Variants in C1QTNF3 observed in about 807,000 individuals in gnomAD.
C1QTNF3 encodes the protein complement C1q tumor necrosis factor-related protein 3.
A neutral mutation model predicts 32.6 loss-of-function variants in C1QTNF3; 26 were observed. The observed-to-expected ratio is 0.80, with a 90% CI of 0.58 to 1.11. C1QTNF3 has a LOEUF of 1.11. Ranked by LOEUF, C1QTNF3 falls within the 50% of genes least tolerant of loss-of-function variation. The pLI is 0.00. For missense variants in C1QTNF3, 362 were observed against 398.2 expected (o/e 0.91, Z 0.77); for synonymous variants, 155 against 146.0 (o/e 1.06, Z -0.44).
the C1QTNF3 span, among the ~76,000 whole-genome samples, chr5:34,063,192 T>A: frequency 6.6e-6 from 1 of 152,166 alleles, no homozygotes; most frequent in African/African-American, 2.4e-5. Flanking sequence ...GTACACTGTT[T>A]TTTTCTTAAC....
rs539460570 is a variant in C1QTNF3, at chr5:34,018,520, G to A, written c.*2063C>T. ...GAATTGTACTTTAAATGCCATAGGA[G>A]TGCCTGGAATAGCACAGTATCTTGC... On this transcript the variant is annotated 3_prime_UTR_variant, in exon 6 of 6. Coordinates refer to ENST00000382065, the MANE Select transcript of C1QTNF3 (RefSeq NM_181435.6). Among the ~76,000 whole-genome samples, 38 of 152,288 alleles carry A rather than the reference G, an allele frequency of 2.5e-4. No individual in the cohort carries two copies. Among genetic ancestry groups the A allele is most frequent in the African/African-American group, 9.1e-4 (38 of 41,552 alleles).
the C1QTNF3 span, among the ~76,000 whole-genome samples, chr5:34,048,341 C>T: frequency 6.9e-6 from 1 of 144,496 alleles, no homozygotes; most frequent in Non-Finnish European, 1.5e-5. Context: ...ATAATGTTAA[C>T]AGCTGGTGTC....
chr5:34,163,085 G>C, the C1QTNF3 span, among the ~76,000 whole-genome samples: 6 of 152,106 alleles, frequency 3.9e-5, no homozygotes, highest in African/African-American at 1.2e-4. Flanking sequence ...TATAACTTCT[G>C]TACAAATTAC....
At chr5:34,057,553 C>A in the C1QTNF3 span, among the ~76,000 whole-genome samples, 1 of 152,138 alleles carries the variant, frequency 6.6e-6, no homozygotes, top group Non-Finnish European at 1.5e-5. Context: ...ATTATTTTTC[C>A]AGTTTGTTCT....
the C1QTNF3 span, among the ~76,000 whole-genome samples, chr5:34,100,895 C>A: frequency 6.7e-6 from 1 of 150,304 alleles, no homozygotes; most frequent in South Asian, 2.1e-4. Flanking sequence ...CAAGTCCATT[C>A]TTTCCAGTAA....
chr5:34,162,670 T>C, the C1QTNF3 span, among the ~76,000 whole-genome samples: 202 of 152,312 alleles, frequency 1.3e-3, no homozygotes, highest in African/African-American at 4.6e-3. Context: ...AAATTTGTTT[T>C]AGATTGATGA....
chr5:34,137,533 T>C, the C1QTNF3 span, among the ~76,000 whole-genome samples: 1 of 152,140 alleles, frequency 6.6e-6, no homozygotes, highest in Non-Finnish European at 1.5e-5. Flanking sequence ...TCTGAAATAA[T>C]TCATCACAAA....
intron 3 of C1QTNF3, among the ~76,000 whole-genome samples, chr5:34,031,345 A>G (rs1196350071): frequency 6.6e-6 from 1 of 152,196 alleles, no homozygotes; most frequent in African/African-American, 2.4e-5. Flanking sequence ...ATTGCCCAGA[A>G]TGTTCTCTAT....
intron 4 of C1QTNF3, among the ~76,000 whole-genome samples, chr5:34,025,580 C>T (rs1048384237): frequency 2.0e-5 from 3 of 152,190 alleles, no homozygotes; most frequent in Admixed American, 6.5e-5. Flanking sequence ...CAGCCTTCTC[C>T]GTCTCTTCAC....
At chr5:34,214,441 T>C in the C1QTNF3 span, among the ~76,000 whole-genome samples, 1 of 151,036 alleles carries the variant, frequency 6.6e-6, no homozygotes, top group African/African-American at 2.4e-5. Flanking sequence ...TAATGTCACC[T>C]TAAAAAGTTT....
At chr5:34,225,496 A>G in the C1QTNF3 span, among the ~76,000 whole-genome samples, 1 of 152,012 alleles carries the variant, frequency 6.6e-6, no homozygotes, top group Non-Finnish European at 1.5e-5. Context: ...TATTTTAATA[A>G]ACTGACTTAT....
the C1QTNF3 span, among the ~76,000 whole-genome samples, chr5:34,235,732 A>G: frequency 1.3e-5 from 2 of 151,920 alleles, no homozygotes; most frequent in Non-Finnish European, 2.9e-5. Flanking sequence ...ACAAGTCTTC[A>G]TTTCAACCCT....
At chr5:34,224,075 C>T in the C1QTNF3 span, among the ~76,000 whole-genome samples, 1 of 152,058 alleles carries the variant, frequency 6.6e-6, no homozygotes. Context: ...AATCAAATAC[C>T]TAGGAATCCA....
the C1QTNF3 span, chr5:34,166,970 A>G: frequency 3.3e-4 from 51 of 152,254 alleles, no homozygotes; most frequent in Non-Finnish European, 6.3e-4. Flanking sequence ...GGTCAAAACA[A>G]TATTTCTTTG....
the C1QTNF3 span, among the ~76,000 whole-genome samples, chr5:34,159,485 G>A: frequency 6.6e-6 from 1 of 152,124 alleles, no homozygotes; most frequent in Middle Eastern, 3.4e-3. Flanking sequence ...TAACAAGGTT[G>A]TACAATTAAT....
chr5:34,211,457 T>C, the C1QTNF3 span, among the ~76,000 whole-genome samples: 2 of 151,782 alleles, frequency 1.3e-5, no homozygotes, highest in South Asian at 2.1e-4. Flanking sequence ...TAGTTACATA[T>C]GTATACATGT....
the C1QTNF3 span, among the ~76,000 whole-genome samples, chr5:34,125,757 TA>T: frequency 6.6e-6 from 1 of 152,244 alleles, no homozygotes; most frequent in Non-Finnish European, 1.5e-5. Flanking sequence ...ACACGAGAGA[TA>T]TATGCATTTC....
At chr5:34,077,999 G>T in the C1QTNF3 span, among the ~76,000 whole-genome samples, 12 of 151,638 alleles carry the variant, frequency 7.9e-5, 1 homozygote, top group African/African-American at 2.7e-4. Flanking sequence ...CTCTTTCCAA[G>T]AGAGCAGGTG....
the C1QTNF3 span, among the ~76,000 whole-genome samples, chr5:34,122,359 C>T: frequency 3.3e-5 from 5 of 152,124 alleles, no homozygotes; most frequent in Non-Finnish European, 7.3e-5. Flanking sequence ...GTAAAGGTCA[C>T]ACTGATGAAG....
Sources: gnomAD v4.1 joint callset for allele counts (sites outside exome capture counted in the v4.1 genomes callset) on GRCh38, gnomAD v4.1.1 for gene constraint, MANE v1.5 for transcripts, NCBI Gene and HGNC (gene_info 2026-07-23, HGNC 2026-07-21) for gene names.